The following RCC1L variants were observed in gnomAD, a reference collection of about 807,000 sequenced individuals.
RCC1L encodes the protein RCC1 like, also known as RCC1-like G exchanging factor-like protein.
A neutral mutation model predicts 58.6 loss-of-function variants in RCC1L; 46 were observed. The ratio of observed to expected loss-of-function variants is 0.79; its 90% confidence interval spans 0.62 to 1.00. The LOEUF (loss-of-function observed/expected upper bound fraction) is 1.00. Ranked by LOEUF, RCC1L falls within the 50% of genes least tolerant of loss-of-function variation. The pLI, the probability that RCC1L is intolerant of heterozygous loss-of-function variation, is 0.00. For missense variants in RCC1L, 636 were observed against 623.6 expected, an observed-to-expected ratio of 1.02 and a Z score of -0.21; for synonymous variants, 281 against 262.9, an observed-to-expected ratio of 1.07 and a Z score of -0.67.
At chr7:75,045,566 A>C (rs1191189707) in intron 10 of RCC1L, among the ~76,000 whole-genome samples, 1 of 150,822 alleles carries the variant, frequency 6.6e-6, no homozygotes, top group Non-Finnish European at 1.5e-5. Flanking sequence ...ACCAGGCTAG[A>C]GTGCAGTGGC....
chr7:75,056,110 T>A, intron 8 of RCC1L, 36 bp from the exon 9 acceptor site: 6 of 1,612,830 alleles, frequency 3.7e-6, no homozygotes, highest in Non-Finnish European at 4.2e-6. Context: ...AGTAAGTCCA[T>A]CCAAGTAAGA....
At position 75,073,637 on chromosome 7, in the gene RCC1L, C is replaced by T. The variant is rs1554446535; in HGVS notation, c.101G>A (p.Ser34Asn). Residue 34 changes from serine to asparagine, a missense_variant, in exon 1 of 11, where the codon AGC becomes AAC. Ser to Asn is a conservative substitution (Grantham distance 46, BLOSUM62 1). Coordinates refer to ENST00000610322, the MANE Select transcript of RCC1L (RefSeq NM_030798.5). ...CTCGGCTTCTGCCGCTTCGCGCCGG[C>T]TCCGGGAGCGCCCGGCCGCCGTCCA... ...GHWTAAGRSRSRREAAEAEAE... is the reference protein window; with the variant it reads ...GHWTAAGRSRNRREAAEAEAE... 3 of 1,487,292 alleles carry T rather than the reference C, an allele frequency of 2.0e-6. No homozygotes were observed. The highest frequency in any genetic ancestry group is 1.3e-5 in the South Asian group (1 of 77,938). 92.1% of individuals were successfully genotyped at this position (1,487,292 alleles called of 1,614,324 possible). A position where few individuals can be genotyped will look rare whatever the true frequency, so the allele number is the denominator to read the frequency against.
chr7:75,068,765 T>C (rs983822706), intron 2 of RCC1L, among the ~76,000 whole-genome samples: 3 of 152,138 alleles, frequency 2.0e-5, no homozygotes, highest in African/African-American at 4.8e-5. Flanking sequence ...TATGTAAAAA[T>C]GTATTTGTCT....
intron 5 of RCC1L, 120 bp downstream of exon 5, chr7:75,063,172 T>A: frequency 9.0e-7 from 1 of 1,114,792 alleles, no homozygotes; most frequent in South Asian, 1.3e-5. Flanking sequence ...CTACAATTTT[T>A]ACTAAAATAA....
At chr7:75,065,283 A>G (rs1390820702) in intron 3 of RCC1L, among the ~76,000 whole-genome samples, 1 of 152,148 alleles carries the variant, frequency 6.6e-6, no homozygotes, top group Non-Finnish European at 1.5e-5. Context: ...GGCTAGGCAC[A>G]GTGGCTCATG....
At chr7:75,070,994 C>T (rs1806706976) in intron 1 of RCC1L, among the ~76,000 whole-genome samples, 1 of 152,054 alleles carries the variant, frequency 6.6e-6, no homozygotes, top group African/African-American at 2.4e-5. Flanking sequence ...GTAGCTGGGA[C>T]TACAGGTGTG....
intron 9 of RCC1L, among the ~76,000 whole-genome samples, chr7:75,053,858 T>C (rs1805993396): frequency 6.6e-6 from 1 of 152,200 alleles, no homozygotes; most frequent in African/African-American, 2.4e-5. Flanking sequence ...GATCTAAGCA[T>C]GCCCCTTGTT....
At chr7:75,030,166 G>A (rs1366854373) in intron 10 of RCC1L, among the ~76,000 whole-genome samples, 6 of 152,248 alleles carry the variant, frequency 3.9e-5, no homozygotes, top group African/African-American at 1.4e-4. Flanking sequence ...GTGCAGGGTG[G>A]CCTGTGTGCT....
At chr7:75,069,880 G>C (rs1285555560) in intron 2 of RCC1L, among the ~76,000 whole-genome samples, 2 of 152,106 alleles carry the variant, frequency 1.3e-5, no homozygotes, top group East Asian at 3.8e-4. Flanking sequence ...TGGGACTACA[G>C]GCGTGAGGCA....
chr7:75,048,507 G>A (rs974732089), intron 10 of RCC1L, among the ~76,000 whole-genome samples: 33 of 152,230 alleles, frequency 2.2e-4, no homozygotes, highest in African/African-American at 7.0e-4. Context: ...CCTGACTTCC[G>A]TGTCCCCGTG....
Position 75,056,006 on chromosome 7 carries a change from C to A in RCC1L, c.1126G>T (p.Val376Phe). Residue 376 changes from valine (V) to phenylalanine (F), a missense_variant, in exon 9 of 11, where the codon GTC becomes TTC. Physicochemically the swap from Val to Phe is conservative, Grantham distance 50 (BLOSUM62 -1). Transcript: ENST00000610322. ...GKGPNLVESA[V>F]PEMIPPTLFG... ...AGAGTGGGTGGAATCATTTCAGGGA[C>A]GGCACTTTCCACTAGGTTTGGACCT... 2 of 1,613,930 alleles carry A rather than the reference C, an allele frequency of 1.2e-6. No homozygotes were observed. Among genetic ancestry groups the A allele is most frequent in the Non-Finnish European group, 1.7e-6 (2 of 1,179,864 alleles).
intron 2 of RCC1L, 93 bp from the exon 3 acceptor site, chr7:75,066,885 A>G (rs1806511809): frequency 1.4e-6 from 2 of 1,450,632 alleles, no homozygotes; most frequent in Admixed American, 5.4e-5. Flanking sequence ...GAAAAAAGAG[A>G]GTCGGAGGTA....
chr7:75,073,757 C>T lies in RCC1L; in HGVS notation c.-20G>A, dbSNP rs781786699. ...CGCCATCCTCCGTTCCGCGCCTCAG[C>T]AGCCTCTGGGCGCCGCCATCTTGCG... On this transcript the variant is annotated 5_prime_UTR_variant, in exon 1 of 11. Coordinates refer to ENST00000610322, the MANE Select transcript of RCC1L (RefSeq NM_030798.5). The T allele has an allele frequency of 2.0e-6, 3 of 1,495,750 alleles. No homozygotes were observed. The African/African-American group carries it at 4.3e-5, about 21-fold the overall frequency. The allele number at this position is 1,495,750 out of a possible 1,614,324, so 92.7% of individuals were successfully genotyped here.
chr7:75,040,355 G>C (rs1805525219), downstream of RCC1L, among the ~76,000 whole-genome samples: 1 of 152,200 alleles, frequency 6.6e-6, no homozygotes, highest in Non-Finnish European at 1.5e-5. Context: ...GGCTACTCGG[G>C]AGGCTAAGGC....
At chr7:75,032,517 C>G (rs1233883162) in intron 10 of RCC1L, among the ~76,000 whole-genome samples, 5 of 152,144 alleles carry the variant, frequency 3.3e-5, no homozygotes, top group African/African-American at 1.2e-4. Context: ...TGACACCCTT[C>G]CCCTTCTCCT....
intron 2 of RCC1L, among the ~76,000 whole-genome samples, chr7:75,070,053 C>A (rs782014329): frequency 5.3e-5 from 8 of 152,152 alleles, no homozygotes; most frequent in African/African-American, 1.9e-4. Context: ...GAGTACTTCA[C>A]GCTGTCTGTC....
At chr7:75,047,395 G>C (rs1805757837) in intron 10 of RCC1L, among the ~76,000 whole-genome samples, 1 of 151,858 alleles carries the variant, frequency 6.6e-6, no homozygotes, top group Admixed American at 6.6e-5. Flanking sequence ...GCCTCCCAGG[G>C]AGCTGGGATT....
intron 10 of RCC1L, among the ~76,000 whole-genome samples, chr7:75,029,340 C>G (rs1456415354): frequency 6.6e-6 from 1 of 151,560 alleles, no homozygotes; most frequent in Non-Finnish European, 1.5e-5. Flanking sequence ...GCAAGAGCAC[C>G]TCAGCCCTGC....
chr7:75,066,284 T>C (rs939362003), intron 3 of RCC1L, among the ~76,000 whole-genome samples: 3 of 151,796 alleles, frequency 2.0e-5, no homozygotes, highest in Non-Finnish European at 2.9e-5. Flanking sequence ...ACCCCGTCTC[T>C]ACTAAAAATA....
Sources: gnomAD v4.1 joint callset for allele counts (sites outside exome capture counted in the v4.1 genomes callset) on GRCh38, gnomAD v4.1.1 for gene constraint, MANE v1.5 for transcripts, NCBI Gene and HGNC (gene_info 2026-07-23, HGNC 2026-07-21) for gene names.